KCNH5: variants seen among roughly 807,000 people sequenced by gnomAD.
KCNH5 encodes potassium voltage-gated channel subfamily H member 5.
A neutral mutation model predicts 96.1 loss-of-function variants in KCNH5; 46 were observed. That is an observed-to-expected ratio of 0.48 (90% confidence interval 0.38 to 0.61). The LOEUF (loss-of-function observed/expected upper bound fraction) is 0.61, where lower values mean the gene tolerates loss of function less well. Among genes scored for constraint, KCNH5 ranks in the 20% least tolerant of loss-of-function variants. The probability of loss-of-function intolerance (pLI) is 0.00; values close to 1 mark genes in which losing one functional copy is unlikely to be tolerated. For missense variants in KCNH5, 907 were observed against 1,225.8 expected (o/e 0.74, Z 3.88); for synonymous variants, 439 against 449.8 (o/e 0.98, Z 0.30).
chr14:62,931,290 G>A (rs940661099), intron 7 of KCNH5, among the ~76,000 whole-genome samples: 1 of 152,092 alleles, frequency 6.6e-6, no homozygotes, highest in Non-Finnish European at 1.5e-5. Context: ...ATGGTAAATA[G>A]CAATGGGAAA....
chr14:63,024,800 A>G (rs1891495360), intron 1 of KCNH5, among the ~76,000 whole-genome samples: 3 of 152,146 alleles, frequency 2.0e-5, no homozygotes, highest in Non-Finnish European at 4.4e-5. Flanking sequence ...AGAAAAGCCC[A>G]GAACCTGATA....
intron 7 of KCNH5, among the ~76,000 whole-genome samples, chr14:62,916,101 C>T (rs563782556): frequency 1.4e-4 from 21 of 151,810 alleles, no homozygotes; most frequent in Admixed American, 1.2e-3. Context: ...TACAGGCGCC[C>T]GCCACTACGC....
intron 3 of KCNH5, among the ~76,000 whole-genome samples, chr14:63,003,534 TTATATATTA>T (rs1267675577): frequency 8.7e-6 from 1 of 114,808 alleles, no homozygotes; most frequent in Non-Finnish European, 1.8e-5. Context: ...TTTATATATA[TTATATATTA>T]TATATAGTAT....
At position 62,704,524 on chromosome 14, in the gene KCNH5, A is replaced by G. The variant is rs1383736876; in HGVS notation, c.*2984T>C. 1 of 151,898 alleles carries G rather than the reference A, an allele frequency of 6.6e-6. No individual in the cohort carries two copies. The highest frequency in any genetic ancestry group is 1.5e-5 in the Non-Finnish European group (1 of 67,840). The allele number at this position is 151,898 out of a possible 1,614,324, so 9.4% of individuals were successfully genotyped here. On this transcript the variant is annotated 3_prime_UTR_variant, in exon 11 of 11. Transcript: ENST00000322893. ...ATTATGATACATCACTCACATTTCC[A>G]TTCTAATTTGACTTTTGCTATTTTG...
At position 62,708,327 on chromosome 14, in the gene KCNH5, C is replaced by T. The variant is rs562417762; in HGVS notation, c.2148G>A (p.Gln716=). 3.7e-6 allele frequency: 6 copies of T among 1,614,168 alleles called. No individual in the cohort carries two copies. In the African/African-American group the frequency reaches 8.0e-5, roughly 22 times the overall value. The part of the protein sequence containing the change: ...VRKLFQKFKQ[Q]KELRNQGSTQ... ...TTGAGCCCTGATTCCGCAGCTCCTT[C>T]TGCTGCTTGAACTTCTGGAAGAGCT... Residue 716 remains glutamine (Q), a synonymous_variant, in exon 11 of 11, where the codon CAG becomes CAA. Coordinates refer to ENST00000322893, the MANE Select transcript of KCNH5 (RefSeq NM_139318.5).
At position 62,883,441 on chromosome 14, in the gene KCNH5, ACT is replaced by A. The variant is rs112397857; in HGVS notation, c.1370-33591_1370-33590del. On this transcript the variant is annotated intron_variant, in intron 7 of 10. Transcript: ENST00000322893. ...GACTTCTAGGCTCAGGACAAGGGTA[ACT>A]CTGCTGCTGCTCATGGAATTCAAAT... 4.0e-4 allele frequency among the ~76,000 whole-genome samples: 61 copies of A among 152,254 alleles called. 2 individuals are homozygous for A. Among genetic ancestry groups the A allele is most frequent in the African/African-American group, 1.3e-3 (54 of 41,558 alleles).
chr14:63,029,231 T>A (rs936435137), intron 1 of KCNH5, among the ~76,000 whole-genome samples: 1 of 152,096 alleles, frequency 6.6e-6, no homozygotes, highest in Non-Finnish European at 1.5e-5. Flanking sequence ...TTTCTAACAA[T>A]CAATATACCA....
At chr14:62,865,659 T>A (rs1888120961) in intron 7 of KCNH5, among the ~76,000 whole-genome samples, 1 of 152,260 alleles carries the variant, frequency 6.6e-6, no homozygotes. Context: ...TCTTCCTTTA[T>A]GTTGACTGGT....
At chr14:62,710,509 CA>C (rs1376472755) in intron 10 of KCNH5, among the ~76,000 whole-genome samples, 1 of 152,194 alleles carries the variant, frequency 6.6e-6, no homozygotes, top group African/African-American at 2.4e-5. Flanking sequence ...CACAGGAACG[CA>C]GATACTATTT....
chr14:62,886,229 C>G (rs912979004), intron 7 of KCNH5, among the ~76,000 whole-genome samples: 1 of 152,098 alleles, frequency 6.6e-6, no homozygotes, highest in Admixed American at 6.6e-5. Context: ...TCTCTAATTG[C>G]ACAGCTGGCT....
intron 1 of KCNH5, among the ~76,000 whole-genome samples, chr14:63,020,695 C>T (rs1169600952): frequency 6.6e-6 from 1 of 152,090 alleles, no homozygotes; most frequent in Non-Finnish European, 1.5e-5. Flanking sequence ...TGTAATTGTT[C>T]TCTATCTTGA....
In KCNH5 at chr14:62,802,478, C is replaced by T; in HGVS notation, c.1673G>A (p.Cys558Tyr). The T allele has an allele frequency of 6.2e-7, 1 of 1,614,164 alleles. No homozygotes were observed. The highest frequency in any genetic ancestry group is 8.5e-7 in the Non-Finnish European group (1 of 1,180,010). Residue 558 changes from cysteine to tyrosine, a missense_variant, in exon 9 of 11, where the codon TGT becomes TAT. This residue lies in a region of KCNH5 where 95 missense variants were observed against 111.8 expected (regional missense o/e 0.85). Coordinates refer to ENST00000322893, the MANE Select transcript of KCNH5 (RefSeq NM_139318.5). ...HPAFRLASDGCLRALAVEFQT... is the reference protein window; with the variant it reads ...HPAFRLASDGYLRALAVEFQT... ...GAACTCTACCGCCAAGGCGCGCAGA[C>T]ACCCATCGCTGGCCAATCGAAAAGC...
chr14:62,765,680 A>G (rs1038136687), intron 10 of KCNH5, among the ~76,000 whole-genome samples: 1 of 152,144 alleles, frequency 6.6e-6, no homozygotes, highest in Non-Finnish European at 1.5e-5. Flanking sequence ...CAAGCAAAAA[A>G]CAAACAACCC....
At chr14:62,948,520 G>C (rs2140129019) in intron 7 of KCNH5, among the ~76,000 whole-genome samples, 2 of 152,146 alleles carry the variant, frequency 1.3e-5, no homozygotes, top group South Asian at 4.1e-4. Flanking sequence ...ATAATCAATA[G>C]CTTACCAACC....
At chr14:63,037,136 A>G (rs573196852) in intron 1 of KCNH5, among the ~76,000 whole-genome samples, 3 of 152,302 alleles carry the variant, frequency 2.0e-5, no homozygotes, top group African/African-American at 7.2e-5. Flanking sequence ...CGTTCTCCGT[A>G]CTTACATGTA....
chr14:62,853,468 T>TC (rs1491423753), intron 7 of KCNH5, among the ~76,000 whole-genome samples: 1 of 124,432 alleles, frequency 8.0e-6, no homozygotes, highest in African/African-American at 3.2e-5. Context: ...TATATATATA[T>TC]ATATATATAT....
intron 7 of KCNH5, among the ~76,000 whole-genome samples, chr14:62,914,733 T>G (rs537644808): frequency 6.6e-6 from 1 of 152,312 alleles, no homozygotes; most frequent in Admixed American, 6.5e-5. Context: ...TACCATGATC[T>G]TGGACTTCCC....
rs112089842 is a variant in KCNH5, at chr14:63,004,612, T to G, written c.304+1754A>C. Among the ~76,000 whole-genome samples the G allele has an allele frequency of 1.4e-3, 215 of 152,368 alleles. 1 individual carries two copies. Among genetic ancestry groups the G allele is most frequent in the African/African-American group, 5.0e-3 (210 of 41,592 alleles). On this transcript the variant is annotated intron_variant, in intron 3 of 10. Transcript: ENST00000322893. ...GAAATTCCACTAAGATATTTTGTTG[T>G]GGTGGTTGTCATTACAGGGTCTTGC...
intron 6 of KCNH5, among the ~76,000 whole-genome samples, chr14:62,966,539 A>C (rs765939216): frequency 1.3e-5 from 2 of 152,200 alleles, no homozygotes; most frequent in Admixed American, 1.3e-4. Flanking sequence ...CTCATTCTGG[A>C]CACTGAAAAC....
Sources: gnomAD v4.1 joint callset for allele counts (sites outside exome capture counted in the v4.1 genomes callset) on GRCh38, gnomAD v4.1.1 for gene constraint, gnomAD v4.1.1 regional missense constraint, MANE v1.5 for transcripts, NCBI Gene and HGNC (gene_info 2026-07-23, HGNC 2026-07-21) for gene names.